The following NCKAP5 variants were observed in gnomAD, a reference collection of about 807,000 sequenced individuals.
The protein encoded by NCKAP5 is NCK associated protein 5.
A neutral mutation model predicts 167.0 loss-of-function variants in NCKAP5; 92 were observed. The observed-to-expected ratio is 0.55, with a 90% CI of 0.47 to 0.66. NCKAP5 has a LOEUF of 0.66. NCKAP5 is among the 30% of genes least tolerant of loss of function. NCKAP5 has a pLI of 0.00. For missense variants in NCKAP5, 2,378 were observed against 2,315.0 expected (o/e 1.03, Z -0.56); for synonymous variants, 891 against 877.4 (o/e 1.02, Z -0.27).
chr2:132,990,019 A>G (rs960943154), intron 7 of NCKAP5, among the ~76,000 whole-genome samples: 3 of 152,198 alleles, frequency 2.0e-5, no homozygotes, highest in African/African-American at 7.2e-5. Flanking sequence ...ACTGTAAAGC[A>G]CCAAGCATAT....
intron 19 of NCKAP5, among the ~76,000 whole-genome samples, chr2:132,707,555 C>T (rs953512415): frequency 2.6e-5 from 4 of 152,164 alleles, no homozygotes; most frequent in Admixed American, 1.3e-4. Context: ...GTACATCACC[C>T]TCCCCCAACC....
At chr2:132,853,563 T>C (rs77634482) in intron 11 of NCKAP5, among the ~76,000 whole-genome samples, 3,884 of 152,236 alleles carry the variant, frequency 0.026, 180 homozygotes, top group African/African-American at 0.088. Context: ...TTAATACATA[T>C]ATCTAATTTT....
intron 8 of NCKAP5, among the ~76,000 whole-genome samples, chr2:132,959,128 T>G (rs963589552): frequency 1.4e-4 from 21 of 149,742 alleles, no homozygotes; most frequent in African/African-American, 5.1e-4. Flanking sequence ...ATCTATCGAC[T>G]ACCAGTTCTA....
intron 3 of NCKAP5, among the ~76,000 whole-genome samples, chr2:133,324,647 A>G (rs1394822180): frequency 6.6e-6 from 1 of 152,248 alleles, no homozygotes; most frequent in Non-Finnish European, 1.5e-5. Context: ...GCAGAGTCAC[A>G]CATGAGCACC....
At chr2:133,415,533 G>A (rs1689056346) in intron 3 of NCKAP5, among the ~76,000 whole-genome samples, 1 of 152,224 alleles carries the variant, frequency 6.6e-6, no homozygotes, top group Non-Finnish European at 1.5e-5. Context: ...TTGGGAGCCA[G>A]CTGACCATAC....
chr2:133,086,185 C>T (rs1167765627), intron 6 of NCKAP5, among the ~76,000 whole-genome samples: 1 of 152,186 alleles, frequency 6.6e-6, no homozygotes, highest in Non-Finnish European at 1.5e-5. Context: ...AGCTCTACTG[C>T]ATACCAGGTG....
intron 3 of NCKAP5, among the ~76,000 whole-genome samples, chr2:133,379,558 T>C (rs1297877129): frequency 6.6e-6 from 1 of 152,226 alleles, no homozygotes; most frequent in Non-Finnish European, 1.5e-5. Context: ...AGTAAAACAC[T>C]CCATGCCTGT....
At chr2:133,442,205 G>C (rs1361060129) in intron 3 of NCKAP5, among the ~76,000 whole-genome samples, 2 of 152,192 alleles carry the variant, frequency 1.3e-5, no homozygotes, top group Admixed American at 1.3e-4. Flanking sequence ...CTGGAATCAA[G>C]ACAGGAAGGA....
chr2:133,060,033 A>G (rs1291411296), intron 6 of NCKAP5, among the ~76,000 whole-genome samples: 3 of 152,182 alleles, frequency 2.0e-5, no homozygotes, highest in African/African-American at 7.2e-5. Flanking sequence ...GCAGCCAGAG[A>G]GCCCTAAGCT....
chr2:133,507,495 G>A (rs1198543331), intron 3 of NCKAP5, among the ~76,000 whole-genome samples: 1 of 152,218 alleles, frequency 6.6e-6, no homozygotes, highest in African/African-American at 2.4e-5. Context: ...GATCCATTAA[G>A]CCTGGTTAAG....
chr2:133,060,511 G>A (rs1172305603), intron 6 of NCKAP5, among the ~76,000 whole-genome samples: 1 of 152,170 alleles, frequency 6.6e-6, no homozygotes, highest in Non-Finnish European at 1.5e-5. Context: ...TCATGGACTA[G>A]ATTGATCAAA....
At chr2:133,078,732 T>C (rs2080701271) in intron 6 of NCKAP5, among the ~76,000 whole-genome samples, 1 of 152,130 alleles carries the variant, frequency 6.6e-6, no homozygotes, top group Non-Finnish European at 1.5e-5. Flanking sequence ...AACAGTCTTT[T>C]AGTATTTTCT....
At chr2:133,588,869 G>A in the NCKAP5 span, among the ~76,000 whole-genome samples, 2 of 152,142 alleles carry the variant, frequency 1.3e-5, no homozygotes, top group African/African-American at 4.8e-5. Flanking sequence ...GGACCAGCCA[G>A]AGCCAAGGGC....
intron 8 of NCKAP5, among the ~76,000 whole-genome samples, chr2:132,932,244 T>C (rs772546914): frequency 6.6e-5 from 10 of 152,260 alleles, no homozygotes; most frequent in African/African-American, 2.4e-4. Flanking sequence ...TCATGGTTTT[T>C]AAATTGACAG....
intron 4 of NCKAP5, among the ~76,000 whole-genome samples, chr2:133,289,577 A>C (rs968614750): frequency 6.6e-6 from 1 of 152,054 alleles, no homozygotes. Context: ...CCCTGTCTCT[A>C]CTAAAAGTAC....
intron 5 of NCKAP5, among the ~76,000 whole-genome samples, chr2:133,151,437 C>A (rs2083382513): frequency 6.6e-6 from 1 of 151,990 alleles, no homozygotes. Context: ...ACAACGAATG[C>A]TTACAGCTCA....
rs544627893 is a variant in NCKAP5, at chr2:132,924,898, T to C, written c.579+38822A>G. Among the ~76,000 whole-genome samples the C allele has an allele frequency of 8.5e-5, 13 of 152,074 alleles. No individual in the cohort carries two copies. The East Asian group carries it at 1.4e-3, about 16-fold the overall frequency. On this transcript the variant is annotated intron_variant, in intron 8 of 19. Coordinates refer to ENST00000409261, the MANE Select transcript of NCKAP5 (RefSeq NM_207363.3). ...ATAGATTTATGAATGTGAAGTGGAT[T>C]GGGATAGATTTTTTTTTTAAGCTAA...
At chr2:133,154,624 C>T (rs1275510666) in intron 5 of NCKAP5, among the ~76,000 whole-genome samples, 1 of 152,236 alleles carries the variant, frequency 6.6e-6, no homozygotes, top group Non-Finnish European at 1.5e-5. Flanking sequence ...TCATTAGACA[C>T]ACTCTCTGGA....
chr2:133,531,135 A>C (rs1050991847), intron 2 of NCKAP5, among the ~76,000 whole-genome samples: 5 of 152,136 alleles, frequency 3.3e-5, no homozygotes, highest in Non-Finnish European at 1.5e-5. Context: ...ACTGAAAGAA[A>C]AAAAAGGAAG....
Sources: allele counts gnomAD v4.1 joint callset (sites outside exome capture counted in the v4.1 genomes callset), GRCh38; gene constraint gnomAD v4.1.1; transcripts MANE v1.5; gene names NCBI Gene and HGNC (gene_info 2026-07-23, HGNC 2026-07-21).